MCRIP1: variants seen among roughly 807,000 people sequenced by gnomAD.
The protein encoded by MCRIP1 is mapk-regulated corepressor-interacting protein 1.
Under a neutral mutation model 14.4 loss-of-function variants are expected in MCRIP1, and 10 were observed. The observed-to-expected ratio is 0.70, with a 90% CI of 0.43 to 1.18. MCRIP1 has a LOEUF of 1.18. MCRIP1 is among the 50% of genes most tolerant of loss of function. The pLI is 0.00. For synonymous variants in MCRIP1, 53 were observed against 55.7 expected, an observed-to-expected ratio of 0.95 and a Z score of 0.21; for missense variants, 119 against 135.4, an observed-to-expected ratio of 0.88 and a Z score of 0.60.
At position 81,822,896 on chromosome 17, in the gene MCRIP1, C is replaced by T; in HGVS notation, c.*351G>A. 1 of 445,012 alleles carries T rather than the reference C, an allele frequency of 2.2e-6. No homozygotes were observed. The highest frequency in any genetic ancestry group is 4.1e-6 in the Non-Finnish European group (1 of 244,116). The allele number at this position is 445,012 out of a possible 1,614,324, so 27.6% of individuals were successfully genotyped here. ...GGAGGCAGCAGAGGCTCCTTCTTCT[C>T]CCCTCCTGATCCTGCAGTGGCCAGG... is the stretch of plus-strand genomic sequence containing the variant. On this transcript the variant is annotated 3_prime_UTR_variant, in exon 5 of 5. Transcript: ENST00000455127.
At chr17:81,829,668 G>A (rs1300888296) in intron 1 of MCRIP1, among the ~76,000 whole-genome samples, 1 of 152,192 alleles carries the variant, frequency 6.6e-6, no homozygotes, top group Non-Finnish European at 1.5e-5. Flanking sequence ...TCACATGGGA[G>A]GACCCTCGAT....
chr17:81,827,820 G>A (rs1205420926), intron 1 of MCRIP1, among the ~76,000 whole-genome samples: 6 of 127,924 alleles, frequency 4.7e-5, no homozygotes, highest in South Asian at 2.4e-4. Context: ...TCGCTCTGTC[G>A]TCCAGGGTGG....
At chr17:81,827,931 C>T (rs555994672) in intron 1 of MCRIP1, among the ~76,000 whole-genome samples, 2 of 151,876 alleles carry the variant, frequency 1.3e-5, no homozygotes, top group Non-Finnish European at 2.9e-5. Context: ...TAGGCGCCCG[C>T]CACCACGCCC....
At chr17:81,827,624 A>G (rs2038435017) in intron 1 of MCRIP1, among the ~76,000 whole-genome samples, 1 of 151,054 alleles carries the variant, frequency 6.6e-6, no homozygotes, top group African/African-American at 2.4e-5. Flanking sequence ...GTGATGGCTG[A>G]GGTGGTAGGA....
rs1258878991 is a variant in MCRIP1 at position 81,823,359 on chromosome 17, C to T, written c.230-48G>A. On this transcript the variant is annotated intron_variant, in intron 4 of 4. Coordinates refer to ENST00000455127, the MANE Select transcript of MCRIP1 (RefSeq NM_207368.5). The surrounding 1 kb of genome is among the most constrained non-coding windows in gnomAD (Gnocchi z 6.0). Reference sequence around the variant, plus strand: ...GTGGTGGGCACAGGCCCCTCCTGCCCATGAGGCCCGGCCTGCCGGCCCAGC... The same window carrying T: ...GTGGTGGGCACAGGCCCCTCCTGCCTATGAGGCCCGGCCTGCCGGCCCAGC... 4 of 1,536,442 alleles carry T rather than the reference C, an allele frequency of 2.6e-6. No homozygotes were observed. The highest frequency in any genetic ancestry group is 3.5e-6 in the Non-Finnish European group (4 of 1,146,508).
rs1159635482 is a variant in MCRIP1 at position 81,823,942 on chromosome 17, C to T, written c.127+345G>A. 7.8e-6 allele frequency: 4 copies of T among 515,254 alleles called. No individual in the cohort carries two copies. Among genetic ancestry groups the T allele is most frequent in the Non-Finnish European group, 6.9e-6 (2 of 291,112 alleles). 31.9% of individuals were successfully genotyped at this position (515,254 alleles called of 1,614,324 possible). A position where few individuals can be genotyped will look rare whatever the true frequency, so the allele number is the denominator to read the frequency against. Reference sequence around the variant, plus strand: ...CGTTCATGGCTGGATGCGTGCCTGTCTGTCTTCAAAGGCCCCTCCCTTTCC... The same window carrying T: ...CGTTCATGGCTGGATGCGTGCCTGTTTGTCTTCAAAGGCCCCTCCCTTTCC... On this transcript the variant is annotated intron_variant, in intron 3 of 4. Coordinates refer to ENST00000455127, the MANE Select transcript of MCRIP1 (RefSeq NM_207368.5). The surrounding 1 kb of genome is among the most constrained non-coding windows in gnomAD (Gnocchi z 6.0).
chr17:81,826,872 C>T (rs1291130659), intron 1 of MCRIP1, among the ~76,000 whole-genome samples: 1 of 145,558 alleles, frequency 6.9e-6, no homozygotes, highest in Non-Finnish European at 1.5e-5. Context: ...GTAATCCCAG[C>T]ACTTTGGGAG....
intron 1 of MCRIP1, among the ~76,000 whole-genome samples, chr17:81,826,923 G>A (rs1268289574): frequency 6.6e-6 from 1 of 151,008 alleles, no homozygotes; most frequent in Non-Finnish European, 1.5e-5. Flanking sequence ...TTCAAGACCA[G>A]CCTGGCCAAT....
intron 1 of MCRIP1, chr17:81,825,593 G>T: frequency 7.8e-7 from 1 of 1,289,306 alleles, no homozygotes; most frequent in Non-Finnish European, 1.0e-6. Context: ...GGCTCATTCC[G>T]CCTCATGTCA....
chr17:81,824,715 C>T (rs1239748703), intron 1 of MCRIP1, 161 bp from the exon 2 acceptor site: 1 of 1,450,112 alleles, frequency 6.9e-7, no homozygotes, highest in Non-Finnish European at 9.1e-7. Context: ...GGTCCAGCCA[C>T]AGGCAGCCAG....
intron 1 of MCRIP1, among the ~76,000 whole-genome samples, chr17:81,830,000 C>A (rs963660351): frequency 6.6e-6 from 1 of 152,266 alleles, no homozygotes; most frequent in Non-Finnish European, 1.5e-5. Context: ...ACAGCCTTTG[C>A]CACAGGACTA....
intron 1 of MCRIP1, among the ~76,000 whole-genome samples, chr17:81,830,054 G>A (rs1325531056): frequency 6.6e-6 from 1 of 152,260 alleles, no homozygotes; most frequent in African/African-American, 2.4e-5. Context: ...GCAAGTCTGT[G>A]CATTCTGCAG....
intron 3 of MCRIP1, among the ~76,000 whole-genome samples, 180 bp downstream of exon 3, chr17:81,824,107 C>T (rs2038332258): frequency 6.6e-6 from 1 of 152,214 alleles, no homozygotes; most frequent in African/African-American, 2.4e-5. Flanking sequence ...ACAAGGTCCC[C>T]TCGGCCACCC....
chr17:81,828,201 A>G (rs1205894029), intron 1 of MCRIP1, among the ~76,000 whole-genome samples: 2 of 152,048 alleles, frequency 1.3e-5, no homozygotes, highest in Non-Finnish European at 2.9e-5. Context: ...AGACACGAAG[A>G]GCCCTTCCCA....
intron 1 of MCRIP1, among the ~76,000 whole-genome samples, chr17:81,831,173 CA>C (rs552681742): frequency 0.087 from 9,898 of 113,912 alleles, 879 homozygotes; most frequent in African/African-American, 0.24. Flanking sequence ...CTCTGTCTCT[CA>C]AAAAAAAAAA....
intron 1 of MCRIP1, among the ~76,000 whole-genome samples, chr17:81,826,935 T>C (rs1035072305): frequency 1.3e-5 from 2 of 150,590 alleles, no homozygotes; most frequent in South Asian, 2.1e-4. Flanking sequence ...CTGGCCAATA[T>C]GGTGAAACCC....
intron 1 of MCRIP1, among the ~76,000 whole-genome samples, chr17:81,830,749 G>A (rs867751593): frequency 2.0e-5 from 3 of 151,502 alleles, no homozygotes; most frequent in Non-Finnish European, 4.4e-5. Flanking sequence ...TCGACCAGGT[G>A]CGGTGACTCA....
chr17:81,826,393 A>G (rs991646252), intron 1 of MCRIP1: 2 of 1,535,144 alleles, frequency 1.3e-6, no homozygotes, highest in African/African-American at 2.7e-5. Context: ...GTGTGGCAGC[A>G]TGCACTTGTA....
Position 81,824,483 on chromosome 17 carries a change from C to T in MCRIP1, c.8+16G>A, listed in dbSNP as rs1161705576. Reference sequence around the variant, plus strand: ...ACCCGCCCCGGTGGAGACCAGCCCACCTGCCTGAGACCCACCTGGTCATCG... The same window carrying T: ...ACCCGCCCCGGTGGAGACCAGCCCATCTGCCTGAGACCCACCTGGTCATCG... On this transcript the variant is annotated intron_variant, in intron 2 of 4. Transcript: ENST00000455127. 1 of 1,536,012 alleles carries T rather than the reference C, an allele frequency of 6.5e-7. No individual in the cohort carries two copies. Among genetic ancestry groups the T allele is most frequent in the Non-Finnish European group, 8.7e-7 (1 of 1,146,560 alleles).
Sources: allele counts gnomAD v4.1 joint callset (sites outside exome capture counted in the v4.1 genomes callset), GRCh38; gene constraint gnomAD v4.1.1; non-coding constraint Gnocchi (gnomAD v3.1); transcripts MANE v1.5; gene names NCBI Gene and HGNC (gene_info 2026-07-23, HGNC 2026-07-21).